The following LOXL2 variants were observed in gnomAD, a reference collection of about 807,000 sequenced individuals.
LOXL2 encodes the protein lysyl oxidase homolog 2.
A neutral mutation model predicts 93.0 loss-of-function variants in LOXL2; 70 were observed. The ratio of observed to expected loss-of-function variants is 0.75; its 90% CI spans 0.62 to 0.92. The LOEUF is 0.92. Ranked by LOEUF, LOXL2 falls within the 40% of genes least tolerant of loss-of-function variation. The pLI is 0.00. For missense variants in LOXL2, 973 were observed against 1,054.9 expected (o/e 0.92, Z 1.08); for synonymous variants, 438 against 413.2 (o/e 1.06, Z -0.73).
chr8:23,305,453 C>T (rs1010446727), intron 10 of LOXL2, among the ~76,000 whole-genome samples: 2 of 152,190 alleles, frequency 1.3e-5, no homozygotes, highest in African/African-American at 4.8e-5. Flanking sequence ...GGTCATCCCT[C>T]CCTAGGGCCA....
chr8:23,332,283 A>C (rs1433632892), intron 5 of LOXL2, among the ~76,000 whole-genome samples: 3 of 107,624 alleles, frequency 2.8e-5, no homozygotes, highest in African/African-American at 1.1e-4. Flanking sequence ...CACACAACCC[A>C]CACAGACCCC....
Position 23,341,203 on chromosome 8 carries a change from T to A in LOXL2, c.532A>T (p.Asn178Tyr). ...FDNSLINQIE[N>Y]LNIQVEDIRI... ...ATGTCCTCCACCTGGATATTCAGGT[T>A]CTGGGAAGAAAGAGGCGTGGAAGGA... The change falls in exon 4 of 14, where the codon AAC becomes TAC. Residue 178 changes from asparagine (N) to tyrosine (Y), a missense_variant and splice_region_variant. Physicochemically the swap from Asn to Tyr is moderately radical, Grantham distance 143. Coordinates refer to ENST00000389131, the MANE Select transcript of LOXL2 (RefSeq NM_002318.3). The A allele has an allele frequency of 6.2e-7, 1 of 1,612,244 alleles. No homozygotes were observed. The highest frequency in any genetic ancestry group is 8.5e-7 in the Non-Finnish European group (1 of 1,179,242).
intron 6 of LOXL2, among the ~76,000 whole-genome samples, chr8:23,322,523 G>A (rs1803512467): frequency 6.6e-6 from 1 of 152,098 alleles, no homozygotes; most frequent in Admixed American, 6.6e-5. Flanking sequence ...TGTGACCTTG[G>A]CCGATCACTC....
rs546236556 is a variant in LOXL2 at position 23,351,906 on chromosome 8, A to G, written c.531+8184T>C. Among the ~76,000 whole-genome samples, 6 of 152,186 alleles carry G rather than the reference A, an allele frequency of 3.9e-5. No homozygotes were observed. The South Asian group carries it at 1.2e-3, about 32-fold the overall frequency. On this transcript the variant is annotated intron_variant, in intron 3 of 13. Transcript: ENST00000389131. ...CCCAGGCTGGAGTGCAGTGGCTGCA[A>G]CCTCTACCTCCTGGGTTCAAGCGAT...
rs190208245 is a variant in LOXL2, at chr8:23,297,599, G to C, written c.*444C>G. 6.3e-6 allele frequency: 1 copy of C among 159,708 alleles called. No homozygotes were observed. Among genetic ancestry groups the C allele is most frequent in the Non-Finnish European group, 1.4e-5 (1 of 72,992 alleles). 9.9% of individuals were successfully genotyped at this position (159,708 alleles called of 1,614,324 possible). On this transcript the variant is annotated 3_prime_UTR_variant, in exon 14 of 14. Transcript: ENST00000389131. ...CTAGATATTCAAGTTTGCTGAAAATGACCTAAGAGGAGGAGAAATGGGGTT... is the reference window on the plus strand; with the variant it reads ...CTAGATATTCAAGTTTGCTGAAAATCACCTAAGAGGAGGAGAAATGGGGTT...
Position 23,298,129 on chromosome 8 carries a change from A to T in LOXL2, c.2246-7T>A. The T allele has an allele frequency of 6.2e-7, 1 of 1,611,366 alleles. No individual in the cohort carries two copies. Among genetic ancestry groups the T allele is most frequent in the Non-Finnish European group, 8.5e-7 (1 of 1,178,206 alleles). ...TCTTCGCTGAAGGAACCACCTGAAG[A>T]GCGAGAATCGGGTAGAGAGAGTGGA... On this transcript the variant is annotated splice_region_variant and splice_polypyrimidine_tract_variant and intron_variant, in intron 13 of 13. Coordinates refer to ENST00000389131, the MANE Select transcript of LOXL2 (RefSeq NM_002318.3).
chr8:23,330,514 T>C (rs1722390529), intron 5 of LOXL2, among the ~76,000 whole-genome samples: 1 of 152,152 alleles, frequency 6.6e-6, no homozygotes, highest in Non-Finnish European at 1.5e-5. Context: ...CTAAGCTTAA[T>C]GGAGGCAGAG....
chr8:23,346,748 C>T (rs1284470476), intron 3 of LOXL2, among the ~76,000 whole-genome samples: 5 of 152,182 alleles, frequency 3.3e-5, no homozygotes, highest in Non-Finnish European at 4.4e-5. Context: ...GCACCAGGCA[C>T]GTTGTCTTAG....
intron 3 of LOXL2, among the ~76,000 whole-genome samples, chr8:23,342,568 A>T (rs1803900032): frequency 6.6e-6 from 1 of 151,298 alleles, no homozygotes; most frequent in Non-Finnish European, 1.5e-5. Flanking sequence ...AGTAGCTGGG[A>T]CTACAGGCGC....
chr8:23,344,315 C>T (rs185288702), intron 3 of LOXL2, among the ~76,000 whole-genome samples: 81 of 152,228 alleles, frequency 5.3e-4, no homozygotes, highest in Admixed American at 9.2e-4. Flanking sequence ...CCTCATTCTT[C>T]CACCGACTCA....
At chr8:23,402,475 G>C (rs1239265696) in intron 1 of LOXL2, 1 of 152,896 alleles carries the variant, frequency 6.5e-6, no homozygotes, top group Non-Finnish European at 1.5e-5. Context: ...CGGGACAAAG[G>C]TGAGGAGAAA....
chr8:23,361,039 G>C (rs561206285), intron 2 of LOXL2, among the ~76,000 whole-genome samples: 1 of 151,800 alleles, frequency 6.6e-6, no homozygotes, highest in Non-Finnish European at 1.5e-5. Context: ...TAGCTGGGAC[G>C]ACAGGCGCAT....
intron 4 of LOXL2, among the ~76,000 whole-genome samples, chr8:23,339,526 A>G (rs779322662): frequency 3.8e-4 from 58 of 152,192 alleles, no homozygotes; most frequent in Non-Finnish European, 7.2e-4. Flanking sequence ...TGGACTGGCC[A>G]CGGTTGGGAG....
chr8:23,364,057 G>T (rs1804352245), intron 2 of LOXL2: 1 of 152,086 alleles, frequency 6.6e-6, no homozygotes, highest in African/African-American at 2.4e-5. Context: ...GTATTTTTTG[G>T]TAGAGATAGG....
chr8:23,317,680 A>G (rs1176308032), intron 8 of LOXL2, among the ~76,000 whole-genome samples: 1 of 152,208 alleles, frequency 6.6e-6, no homozygotes, highest in Non-Finnish European at 1.5e-5. Flanking sequence ...ACAGAAGCTG[A>G]GGAGATCCGA....
intron 3 of LOXL2, among the ~76,000 whole-genome samples, chr8:23,344,379 G>A (rs1215393073): frequency 2.0e-5 from 3 of 151,990 alleles, no homozygotes; most frequent in African/African-American, 7.2e-5. Context: ...TGTGCTTGAT[G>A]GTCTGTGTGT....
chr8:23,362,305 G>C (rs540012500), intron 2 of LOXL2, among the ~76,000 whole-genome samples: 285 of 152,368 alleles, frequency 1.9e-3, no homozygotes, highest in African/African-American at 6.5e-3. Context: ...GTGGCTGCCA[G>C]GGCCTGGGAT....
At chr8:23,398,184 A>C (rs1244424769) in intron 1 of LOXL2, among the ~76,000 whole-genome samples, 1 of 152,164 alleles carries the variant, frequency 6.6e-6, no homozygotes, top group African/African-American at 2.4e-5. Context: ...GATATTATAA[A>C]GAAACTGCAA....
chr8:23,374,403 T>C (rs952896888), intron 1 of LOXL2, among the ~76,000 whole-genome samples: 10 of 152,208 alleles, frequency 6.6e-5, no homozygotes, highest in Admixed American at 1.3e-4. Flanking sequence ...AGTGCCGCAA[T>C]AAACATATGT....
Sources: gnomAD v4.1 joint callset for allele counts (sites outside exome capture counted in the v4.1 genomes callset) on GRCh38, gnomAD v4.1.1 for gene constraint, MANE v1.5 for transcripts, NCBI Gene and HGNC (gene_info 2026-07-23, HGNC 2026-07-21) for gene names.